Variants in PPP1R1C observed in about 807,000 individuals in gnomAD.
PPP1R1C encodes protein phosphatase 1 regulatory inhibitor subunit 1C.
In PPP1R1C, 15 loss-of-function variants were observed where a neutral mutation model predicts 17.4. That is an observed-to-expected ratio of 0.86 (90% CI 0.58 to 1.33). The LOEUF (loss-of-function observed/expected upper bound fraction) is 1.33. Ranked by LOEUF, PPP1R1C falls within the 40% of genes most tolerant of loss-of-function variation. The pLI, the probability that PPP1R1C is intolerant of heterozygous loss-of-function variation, is 0.00. For synonymous variants in PPP1R1C, 35 were observed against 43.1 expected, an observed-to-expected ratio of 0.81 and a Z score of 0.73; for missense variants, 143 against 130.0, an observed-to-expected ratio of 1.10 and a Z score of -0.48.
intron 4 of PPP1R1C, among the ~76,000 whole-genome samples, chr2:182,067,342 A>AT (rs909350715): frequency 3.3e-5 from 5 of 150,256 alleles, no homozygotes; most frequent in Admixed American, 6.7e-5. Context: ...TATGATCTTG[A>AT]TTTTTTTTTC....
At chr2:181,975,326 T>C (rs1685077862) in intron 2 of PPP1R1C, 1 of 151,910 alleles carries the variant, frequency 6.6e-6, no homozygotes, top group Non-Finnish European at 1.5e-5. Flanking sequence ...TTGATAACTA[T>C]TGCTAAAATA....
chr2:181,971,970 A>G (rs1340119098), intron 1 of PPP1R1C, among the ~76,000 whole-genome samples: 1 of 152,246 alleles, frequency 6.6e-6, no homozygotes, highest in African/African-American at 2.4e-5. Flanking sequence ...CTGCAATTCA[A>G]GCGTATCTTT....
chr2:182,072,701 T>G (rs1264023123), intron 4 of PPP1R1C, among the ~76,000 whole-genome samples: 1 of 152,210 alleles, frequency 6.6e-6, no homozygotes, highest in African/African-American at 2.4e-5. Flanking sequence ...CCTTATAGCT[T>G]GATGGAAAAT....
At chr2:182,031,557 T>C (rs1686839744) in intron 2 of PPP1R1C, among the ~76,000 whole-genome samples, 1 of 152,244 alleles carries the variant, frequency 6.6e-6, no homozygotes, top group African/African-American at 2.4e-5. Flanking sequence ...TTTAAAAGAA[T>C]TCAACAATAT....
intron 4 of PPP1R1C, among the ~76,000 whole-genome samples, chr2:182,098,972 A>T (rs1463824408): frequency 6.6e-6 from 1 of 152,248 alleles, no homozygotes; most frequent in Non-Finnish European, 1.5e-5. Flanking sequence ...TGTATTCTTC[A>T]GAAAAATATT....
intron 4 of PPP1R1C, among the ~76,000 whole-genome samples, chr2:182,087,840 C>G (rs1244596301): frequency 6.6e-6 from 1 of 152,076 alleles, no homozygotes; most frequent in African/African-American, 2.4e-5. Context: ...CTTTGTTGCT[C>G]AAAATTGGAA....
chr2:182,013,332 T>TC (rs1686148551), intron 2 of PPP1R1C, among the ~76,000 whole-genome samples: 1 of 152,120 alleles, frequency 6.6e-6, no homozygotes, highest in African/African-American at 2.4e-5. Flanking sequence ...TTTTCCCCCT[T>TC]CATCACTTTA....
At chr2:182,002,433 AAT>A (rs1156502805) in intron 2 of PPP1R1C, among the ~76,000 whole-genome samples, 1 of 152,096 alleles carries the variant, frequency 6.6e-6, no homozygotes, top group Non-Finnish European at 1.5e-5. Flanking sequence ...TACTCTAAGA[AAT>A]ATATGTAAAC....
intron 4 of PPP1R1C, among the ~76,000 whole-genome samples, chr2:182,093,532 C>A (rs1419867354): frequency 6.6e-6 from 1 of 152,298 alleles, no homozygotes; most frequent in South Asian, 2.1e-4. Context: ...CTTTTCTATT[C>A]CATTATCAGA....
At chr2:181,976,000 C>A (rs1329760720) in intron 2 of PPP1R1C, among the ~76,000 whole-genome samples, 2 of 151,750 alleles carry the variant, frequency 1.3e-5, no homozygotes, top group Non-Finnish European at 2.9e-5. Flanking sequence ...TGCAAAAGAA[C>A]CTTAAAAATA....
intron 1 of PPP1R1C, among the ~76,000 whole-genome samples, chr2:181,955,569 G>A (rs1684656893): frequency 6.6e-6 from 1 of 152,132 alleles, no homozygotes; most frequent in Admixed American, 6.5e-5. Flanking sequence ...TGTTTTCTAG[G>A]CAATATGTGG....
chr2:182,123,699 T>C (rs572713747), intron 5 of PPP1R1C, among the ~76,000 whole-genome samples: 2 of 152,314 alleles, frequency 1.3e-5, no homozygotes, highest in Admixed American at 1.3e-4. Flanking sequence ...TTGATGGGGT[T>C]GTTTGTTTTT....
At position 182,009,930 on chromosome 2, in the gene PPP1R1C, CT is replaced by C. The variant is rs1686041223; in HGVS notation, c.142+22032del. On this transcript the variant is annotated intron_variant, in intron 2 of 4. Coordinates refer to ENST00000682840, the MANE Select transcript of PPP1R1C (RefSeq NM_001080545.3). Reference sequence around the variant, plus strand: ...TTCACTTTGGTCAAAAATGAATTCACTGTAGGTGTGTGGATTTGTTTCTGGG... The same window carrying C: ...TTCACTTTGGTCAAAAATGAATTCACGTAGGTGTGTGGATTTGTTTCTGGG... Among the ~76,000 whole-genome samples the C allele has an allele frequency of 3.3e-5, 5 of 152,038 alleles. No homozygotes were observed. The South Asian group carries it at 1.0e-3, about 32-fold the overall frequency.
chr2:182,114,775 G>C (rs185060625), intron 4 of PPP1R1C, among the ~76,000 whole-genome samples: 5 of 152,268 alleles, frequency 3.3e-5, no homozygotes, highest in Non-Finnish European at 5.9e-5. Flanking sequence ...GGCTAAGGAA[G>C]ACCTTCTAAC....
chr2:182,129,801 C>A (rs1227015947), exon 6 of PPP1R1C: 1 of 152,042 alleles, frequency 6.6e-6, no homozygotes, highest in East Asian at 1.9e-4. Context: ...GACTTTTATT[C>A]TTTCTTATAC....
At chr2:182,067,649 A>G (rs190210360) in intron 4 of PPP1R1C, among the ~76,000 whole-genome samples, 20 of 152,280 alleles carry the variant, frequency 1.3e-4, no homozygotes, top group African/African-American at 4.6e-4. Flanking sequence ...ACCTTCAGAA[A>G]ATCAATGGGT....
At chr2:181,988,096 T>C (rs1489007950) in intron 2 of PPP1R1C, among the ~76,000 whole-genome samples, 197 bp downstream of exon 2, 1 of 152,252 alleles carries the variant, frequency 6.6e-6, no homozygotes, top group Non-Finnish European at 1.5e-5. Flanking sequence ...ACAGCCTGTA[T>C]TTCCTCTAGA....
intron 1 of PPP1R1C, among the ~76,000 whole-genome samples, chr2:181,970,604 G>C (rs555685020): frequency 6.6e-6 from 1 of 152,140 alleles, no homozygotes; most frequent in Non-Finnish European, 1.5e-5. Flanking sequence ...AAGGGCCTAG[G>C]TCTCTACAAT....
chr2:182,078,104 C>T (rs565354403), intron 4 of PPP1R1C, among the ~76,000 whole-genome samples: 3 of 152,220 alleles, frequency 2.0e-5, no homozygotes, highest in Middle Eastern at 3.4e-3. Context: ...CGCTTGAGCC[C>T]GGGTGGCAGA....
Sources: allele counts gnomAD v4.1 joint callset (sites outside exome capture counted in the v4.1 genomes callset), GRCh38; gene constraint gnomAD v4.1.1; transcripts MANE v1.5; gene names NCBI Gene and HGNC (gene_info 2026-07-23, HGNC 2026-07-21).